DLG2: variants seen among roughly 807,000 people sequenced by gnomAD.
DLG2 encodes disks large homolog 2.
DLG2 carries 45 observed loss-of-function variants against 132.5 expected under a neutral mutation model. The ratio of observed to expected loss-of-function variants is 0.34; its 90% CI spans 0.27 to 0.44. DLG2 has a LOEUF of 0.44. DLG2 is among the 20% of genes least tolerant of loss of function. The pLI is 1.00. For synonymous variants in DLG2, 424 were observed against 419.6 expected (o/e 1.01, Z -0.13); for missense variants, 1,045 against 1,196.9 (o/e 0.87, Z 1.87).
At chr11:84,526,402 C>T (rs1194780658) in intron 7 of DLG2, among the ~76,000 whole-genome samples, 1 of 152,058 alleles carries the variant, frequency 6.6e-6, no homozygotes, top group African/African-American at 2.4e-5. Context: ...AAGATGCAGT[C>T]CAGGTCTTGG....
At chr11:85,294,223 C>T (rs2079085167) in intron 3 of DLG2, among the ~76,000 whole-genome samples, 2 of 151,830 alleles carry the variant, frequency 1.3e-5, no homozygotes, top group Admixed American at 6.6e-5. Context: ...GGTAAAGTGA[C>T]TACTATTCTT....
intron 19 of DLG2, among the ~76,000 whole-genome samples, chr11:83,607,056 C>T (rs1041967797): frequency 1.3e-5 from 2 of 152,246 alleles, no homozygotes; most frequent in Non-Finnish European, 2.9e-5. Flanking sequence ...CTAGCGCAGC[C>T]ACATGGTGGC....
chr11:83,990,933 C>A (rs570531048), intron 11 of DLG2, among the ~76,000 whole-genome samples: 9 of 152,186 alleles, frequency 5.9e-5, no homozygotes, highest in Admixed American at 1.3e-4. Context: ...TGAGAAAACA[C>A]CCACCCTCAC....
At chr11:84,444,499 T>C (rs1477472296) in intron 7 of DLG2, among the ~76,000 whole-genome samples, 1 of 152,256 alleles carries the variant, frequency 6.6e-6, no homozygotes, top group Non-Finnish European at 1.5e-5. Context: ...ATTTATTTAC[T>C]TGCTTACTTC....
At chr11:85,588,507 G>A (rs1357559035) in intron 3 of DLG2, among the ~76,000 whole-genome samples, 3 of 152,028 alleles carry the variant, frequency 2.0e-5, no homozygotes, top group African/African-American at 4.8e-5. Context: ...CTCTAAGCGT[G>A]TCTTTCACTT....
intron 6 of DLG2, among the ~76,000 whole-genome samples, chr11:85,096,638 T>TCACATTTTGGCAACCCAGATGGGA (rs2069844317): frequency 6.7e-6 from 1 of 148,266 alleles, no homozygotes; most frequent in Non-Finnish European, 1.5e-5. Context: ...TAAACTCTAG[T>TCACATTTTGGCAACCCAGATGGGA]CACATTTTGG....
intron 6 of DLG2, among the ~76,000 whole-genome samples, chr11:84,563,225 G>A (rs1376607285): frequency 2.0e-5 from 3 of 152,118 alleles, no homozygotes; most frequent in Non-Finnish European, 4.4e-5. Context: ...TTTCAACCAC[G>A]TCTGATATTG....
chr11:85,462,327 T>C (rs1565525435), intron 3 of DLG2, among the ~76,000 whole-genome samples: 1 of 152,226 alleles, frequency 6.6e-6, no homozygotes, highest in African/African-American at 2.4e-5. Context: ...TTATAAATCA[T>C]GCTGCTATGA....
intron 3 of DLG2, among the ~76,000 whole-genome samples, chr11:85,524,480 G>C (rs1406272132): frequency 2.0e-5 from 3 of 150,882 alleles, no homozygotes; most frequent in Non-Finnish European, 4.4e-5. Context: ...GGCTCAAAAA[G>C]AGAACTTCTC....
chr11:84,822,266 A>T (rs750163639), intron 6 of DLG2, among the ~76,000 whole-genome samples: 4 of 151,836 alleles, frequency 2.6e-5, no homozygotes, highest in Non-Finnish European at 4.4e-5. Context: ...TCCCAGTTGC[A>T]TTGATACAGC....
intron 3 of DLG2, among the ~76,000 whole-genome samples, chr11:85,359,939 T>A (rs2084016572): frequency 6.6e-6 from 1 of 152,186 alleles, no homozygotes; most frequent in Non-Finnish European, 1.5e-5. Flanking sequence ...TATAACCAAG[T>A]GTTCTCCAGA....
intron 7 of DLG2, among the ~76,000 whole-genome samples, chr11:84,283,945 A>G (rs1023638783): frequency 6.6e-6 from 1 of 152,190 alleles, no homozygotes; most frequent in African/African-American, 2.4e-5. Context: ...TTAAAAACAA[A>G]AAAACAAAAA....
chr11:85,424,212 T>C (rs775186036), intron 3 of DLG2, among the ~76,000 whole-genome samples: 2 of 152,080 alleles, frequency 1.3e-5, no homozygotes, highest in Non-Finnish European at 2.9e-5. Flanking sequence ...TGTTCAAGGG[T>C]GGATGATCCC....
chr11:85,293,377 C>A (rs1254407962), intron 3 of DLG2, among the ~76,000 whole-genome samples: 2 of 152,000 alleles, frequency 1.3e-5, no homozygotes, highest in Non-Finnish European at 2.9e-5. Context: ...ACAACCTGGG[C>A]AATATAGTGA....
Position 85,163,206 on chromosome 11 carries a change from T to TACACAC in DLG2, c.187-8561_187-8556dup, listed in dbSNP as rs776985320. On this transcript the variant is annotated intron_variant, in intron 4 of 27. Coordinates refer to ENST00000376104, the MANE Select transcript of DLG2 (RefSeq NM_001142699.3). Reference sequence around the variant, plus strand: ...TTAATAAACTCCCCTTTATATATATTACACACACACACACACAGACACACA... The same window carrying TACACAC: ...TTAATAAACTCCCCTTTATATATATTACACACACACACACACACACACAGACACACA... 3.0e-3 allele frequency among the ~76,000 whole-genome samples: 444 copies of TACACAC among 148,274 alleles called. 1 individual carries two copies. The highest frequency in any genetic ancestry group is 4.8e-3 in the Admixed American group (71 of 14,870).
chr11:83,752,465 A>C (rs147836008), intron 18 of DLG2, among the ~76,000 whole-genome samples: 151 of 152,326 alleles, frequency 9.9e-4, no homozygotes, highest in Admixed American at 2.3e-3. Flanking sequence ...GTGTTCAACT[A>C]TGACAAATGC....
intron 7 of DLG2, among the ~76,000 whole-genome samples, chr11:84,358,936 C>A (rs2098633925): frequency 6.6e-6 from 1 of 151,856 alleles, no homozygotes; most frequent in Non-Finnish European, 1.5e-5. Flanking sequence ...GAGATTTCAA[C>A]CCAGATCATT....
At chr11:84,975,026 T>C (rs2054673939) in intron 6 of DLG2, among the ~76,000 whole-genome samples, 1 of 152,200 alleles carries the variant, frequency 6.6e-6, no homozygotes. Flanking sequence ...CAGTGATTTT[T>C]GCAGGTGTCA....
chr11:85,046,357 G>T (rs1310195403), intron 6 of DLG2, among the ~76,000 whole-genome samples: 1 of 151,930 alleles, frequency 6.6e-6, no homozygotes, highest in South Asian at 2.1e-4. Flanking sequence ...AATACAGTTA[G>T]ATAAATTTGA....
Sources: allele counts gnomAD v4.1 joint callset (sites outside exome capture counted in the v4.1 genomes callset), GRCh38; gene constraint gnomAD v4.1.1; transcripts MANE v1.5; gene names NCBI Gene and HGNC (gene_info 2026-07-23, HGNC 2026-07-21).